Variants in PAPSS1 observed in about 807,000 individuals in gnomAD.
PAPSS1 encodes the protein 3'-phosphoadenosine 5'-phosphosulfate synthase 1.
PAPSS1 carries 50 observed loss-of-function variants against 72.0 expected under a neutral mutation model. That is an observed-to-expected ratio of 0.69 (90% CI 0.55 to 0.88). PAPSS1 has a LOEUF of 0.88. PAPSS1 is among the 40% of genes least tolerant of loss of function. The probability of loss-of-function intolerance (pLI) is 0.00; values close to 1 mark genes in which losing one functional copy is unlikely to be tolerated. For synonymous variants in PAPSS1, 261 were observed against 263.6 expected, an observed-to-expected ratio of 0.99 and a Z score of 0.09; for missense variants, 657 against 782.2, an observed-to-expected ratio of 0.84 and a Z score of 1.91.
chr4:107,632,261 G>A (rs930271782), intron 10 of PAPSS1, among the ~76,000 whole-genome samples: 2 of 152,076 alleles, frequency 1.3e-5, no homozygotes, highest in African/African-American at 4.8e-5. Flanking sequence ...AGGAGCTTCT[G>A]GAATCATGGT....
intron 11 of PAPSS1, among the ~76,000 whole-genome samples, chr4:107,622,198 TA>T (rs1038626553): frequency 6.6e-5 from 10 of 151,868 alleles, no homozygotes; most frequent in Admixed American, 2.0e-4. Flanking sequence ...TTCCTGGCAT[TA>T]AAAAAAATGT....
chr4:107,670,875 G>C (rs1326877631), intron 5 of PAPSS1, among the ~76,000 whole-genome samples: 1 of 152,038 alleles, frequency 6.6e-6, no homozygotes, highest in Non-Finnish European at 1.5e-5. Context: ...TATAAACAAT[G>C]GAAAAATCAG....
intron 1 of PAPSS1, among the ~76,000 whole-genome samples, chr4:107,715,447 C>T (rs568394658): frequency 6.6e-6 from 1 of 152,294 alleles, no homozygotes; most frequent in South Asian, 2.1e-4. Context: ...CTCTGAAGGA[C>T]AAGTACATTG....
In PAPSS1 at chr4:107,689,518, T is replaced by C. The variant is rs537138866; in HGVS notation, c.412-2341A>G. 1.4e-4 allele frequency among the ~76,000 whole-genome samples: 22 copies of C among 152,286 alleles called. No individual in the cohort carries two copies. In the South Asian group the frequency reaches 3.3e-3, roughly 23 times the overall value. ...TCAGAATACTCACTACATATGATCATAGATCTTTTTCCAGTATATTAAAAT... is the reference window on the plus strand; with the variant it reads ...TCAGAATACTCACTACATATGATCACAGATCTTTTTCCAGTATATTAAAAT... On this transcript the variant is annotated intron_variant, in intron 3 of 11. Coordinates refer to ENST00000265174, the MANE Select transcript of PAPSS1 (RefSeq NM_005443.5).
intron 3 of PAPSS1, among the ~76,000 whole-genome samples, chr4:107,690,037 T>C (rs990000937): frequency 3.3e-5 from 5 of 152,138 alleles, no homozygotes; most frequent in Non-Finnish European, 5.9e-5. Context: ...TTGCTGCTGC[T>C]TGAGTTCACA....
intron 3 of PAPSS1, among the ~76,000 whole-genome samples, chr4:107,691,283 A>T (rs1216336184): frequency 6.6e-6 from 1 of 152,160 alleles, no homozygotes; most frequent in Non-Finnish European, 1.5e-5. Context: ...CATGCCAGGC[A>T]CTGTGCTGAG....
At chr4:107,698,717 T>C (rs1253459416) in intron 2 of PAPSS1, among the ~76,000 whole-genome samples, 1 of 152,116 alleles carries the variant, frequency 6.6e-6, no homozygotes, top group East Asian at 1.9e-4. Flanking sequence ...AGTTAAAAAT[T>C]TCAAAGGAAC....
intron 11 of PAPSS1, among the ~76,000 whole-genome samples, chr4:107,629,269 A>G (rs1255234846): frequency 1.3e-5 from 2 of 152,226 alleles, no homozygotes; most frequent in Non-Finnish European, 2.9e-5. Flanking sequence ...GCAATAGTTT[A>G]TGGGGATAAT....
At chr4:107,626,770 T>C (rs1312818953) in intron 11 of PAPSS1, among the ~76,000 whole-genome samples, 1 of 152,218 alleles carries the variant, frequency 6.6e-6, no homozygotes, top group Non-Finnish European at 1.5e-5. Flanking sequence ...ATAACTGTTT[T>C]CTCACTACAT....
intron 5 of PAPSS1, among the ~76,000 whole-genome samples, chr4:107,665,449 T>G (rs1453979285): frequency 6.6e-6 from 1 of 152,196 alleles, no homozygotes; most frequent in Non-Finnish European, 1.5e-5. Context: ...GTGCTCTTCT[T>G]CAATTTGTAC....
intron 5 of PAPSS1, among the ~76,000 whole-genome samples, chr4:107,672,558 A>G (rs1253286874): frequency 6.6e-6 from 1 of 152,212 alleles, no homozygotes; most frequent in African/African-American, 2.4e-5. Flanking sequence ...GTAGGTAAAC[A>G]AAGTGGCCTG....
In PAPSS1 at chr4:107,654,785, A is replaced by T. The variant is rs371608939; in HGVS notation, c.1011T>A (p.Ile337=). ...GCTCAAAAAACTCTGGATTGCGAAG[A>T]ATGGCCACACGGCGGCCCTCATACA... ...ALMYEGRRVA[I]LRNPEFFEHR... The change falls in exon 8 of 12, where the codon ATT becomes ATA. Residue 337 remains isoleucine, a synonymous_variant. Transcript: ENST00000265174. 3 of 1,614,054 alleles carry T rather than the reference A, an allele frequency of 1.9e-6. No individual in the cohort carries two copies. The African/African-American group carries it at 4.0e-5, about 22-fold the overall frequency.
At chr4:107,656,240 C>T (rs753470067) in intron 7 of PAPSS1, among the ~76,000 whole-genome samples, 1 of 152,000 alleles carries the variant, frequency 6.6e-6, no homozygotes, top group East Asian at 1.9e-4. Context: ...CTCAGCCTCC[C>T]GAGTAGCTGG....
intron 9 of PAPSS1, among the ~76,000 whole-genome samples, chr4:107,647,302 G>A (rs891469599): frequency 1.3e-5 from 2 of 152,218 alleles, no homozygotes; most frequent in African/African-American, 4.8e-5. Flanking sequence ...CTACCACAGT[G>A]TGGAGGACAG....
At chr4:107,684,991 T>C (rs575172576) in intron 4 of PAPSS1, among the ~76,000 whole-genome samples, 145 of 152,272 alleles carry the variant, frequency 9.5e-4, no homozygotes, top group Non-Finnish European at 6.0e-4. Context: ...CTGCAAGCTC[T>C]GCCTCCTGTG....
intron 2 of PAPSS1, among the ~76,000 whole-genome samples, chr4:107,700,434 A>G: frequency 6.6e-6 from 1 of 152,228 alleles, no homozygotes; most frequent in East Asian, 1.9e-4. Flanking sequence ...CTAGGGAAAC[A>G]ATCAAAGGCC....
chr4:107,717,917 C>T (rs1239528281), intron 1 of PAPSS1, among the ~76,000 whole-genome samples: 2 of 152,152 alleles, frequency 1.3e-5, no homozygotes, highest in African/African-American at 4.8e-5. Flanking sequence ...GCCACCTTAC[C>T]CCAGCCCTTC....
chr4:107,685,684 G>A (rs988954612), intron 4 of PAPSS1, among the ~76,000 whole-genome samples: 10 of 152,190 alleles, frequency 6.6e-5, no homozygotes, highest in Non-Finnish European at 1.0e-4. Context: ...TGGCATTACC[G>A]GAGGTCAGCC....
At chr4:107,714,070 G>A (rs1006026938) in intron 1 of PAPSS1, among the ~76,000 whole-genome samples, 8 of 152,170 alleles carry the variant, frequency 5.3e-5, no homozygotes, top group Non-Finnish European at 7.4e-5. Context: ...CCTCGGGCAC[G>A]TCTTCAAGAG....
Sources: gnomAD v4.1 joint callset for allele counts (sites outside exome capture counted in the v4.1 genomes callset) on GRCh38, gnomAD v4.1.1 for gene constraint, MANE v1.5 for transcripts, NCBI Gene and HGNC (gene_info 2026-07-23, HGNC 2026-07-21) for gene names.